CNGA1: variants seen among roughly 807,000 people sequenced by gnomAD.
The protein encoded by CNGA1 is cyclic nucleotide-gated channel alpha-1.
CNGA1 carries 53 observed loss-of-function variants against 69.7 expected under a neutral mutation model. The observed-to-expected ratio is 0.76, with a 90% CI of 0.61 to 0.96. The LOEUF (loss-of-function observed/expected upper bound fraction) is 0.96, where lower values mean the gene tolerates loss of function less well. Ranked by LOEUF, CNGA1 falls within the 40% of genes least tolerant of loss-of-function variation. The pLI is 0.00. For synonymous variants in CNGA1, 249 were observed against 283.5 expected, an observed-to-expected ratio of 0.88 and a Z score of 1.22; for missense variants, 739 against 811.2, an observed-to-expected ratio of 0.91 and a Z score of 1.08.
chr4:47,983,517 G>A (rs1282854920), intron 2 of CNGA1, among the ~76,000 whole-genome samples: 1 of 151,406 alleles, frequency 6.6e-6, no homozygotes, highest in African/African-American at 2.4e-5. Context: ...TTGAACCCAG[G>A]AGGCAGAGGT....
At chr4:48,014,328 T>C in intron 1 of CNGA1, among the ~76,000 whole-genome samples, 1 of 152,200 alleles carries the variant, frequency 6.6e-6, no homozygotes, top group East Asian at 1.9e-4. Flanking sequence ...ATATTATAAA[T>C]TTCTGCTAGG....
intron 2 of CNGA1, among the ~76,000 whole-genome samples, chr4:48,000,134 A>T (rs754359311): frequency 6.6e-6 from 1 of 152,186 alleles, no homozygotes; most frequent in South Asian, 2.1e-4. Context: ...AAGCAAAAAG[A>T]GATAAAACAT....
chr4:48,009,168 T>C (rs1050632653), intron 2 of CNGA1, among the ~76,000 whole-genome samples: 2 of 152,186 alleles, frequency 1.3e-5, no homozygotes, highest in Non-Finnish European at 2.9e-5. Flanking sequence ...AGCTAGCTTA[T>C]TTAGTAAAGA....
At chr4:47,991,489 C>G (rs1742267292) in intron 2 of CNGA1, among the ~76,000 whole-genome samples, 2 of 152,032 alleles carry the variant, frequency 1.3e-5, no homozygotes, top group South Asian at 4.1e-4. Flanking sequence ...TATTCATGTT[C>G]TTAGCCCACT....
chr4:48,001,191 C>A (rs1714650823), intron 2 of CNGA1, among the ~76,000 whole-genome samples: 1 of 152,284 alleles, frequency 6.6e-6, no homozygotes, highest in African/African-American at 2.4e-5. Flanking sequence ...ATAGGCTGGG[C>A]ACGGTGGCTC....
chr4:47,948,318 T>C (rs1416574316), intron 6 of CNGA1, among the ~76,000 whole-genome samples: 1 of 152,212 alleles, frequency 6.6e-6, no homozygotes, highest in African/African-American at 2.4e-5. Flanking sequence ...AGTGCTATCA[T>C]AGAGTTTATA....
At chr4:47,941,341 T>C (rs1739064328) in intron 9 of CNGA1, among the ~76,000 whole-genome samples, 1 of 152,060 alleles carries the variant, frequency 6.6e-6, no homozygotes, top group Non-Finnish European at 1.5e-5. Context: ...AAAAAATAAA[T>C]GGCCTAAAAC....
At chr4:47,982,787 G>T (rs1420013224) in intron 2 of CNGA1, among the ~76,000 whole-genome samples, 1 of 151,738 alleles carries the variant, frequency 6.6e-6, no homozygotes, top group Non-Finnish European at 1.5e-5. Context: ...TTTTTCCTCT[G>T]GTCTAAAACA....
At chr4:47,949,025 C>G (rs1356048548) in intron 6 of CNGA1, among the ~76,000 whole-genome samples, 1 of 152,196 alleles carries the variant, frequency 6.6e-6, no homozygotes, top group African/African-American at 2.4e-5. Context: ...GAAAAAATAA[C>G]CAGGATCCTG....
intron 2 of CNGA1, among the ~76,000 whole-genome samples, chr4:48,007,293 G>T (rs987077148): frequency 6.6e-6 from 1 of 152,120 alleles, no homozygotes; most frequent in Non-Finnish European, 1.5e-5. Flanking sequence ...TGACACAGCG[G>T]TCCATATGCT....
In CNGA1 at chr4:48,004,910, A is replaced by T. The variant is rs1440261851; in HGVS notation, c.-123+5884T>A. Reference sequence around the variant, plus strand: ...GGGTAAAGAAGGAAAAGAAACTGAAAGCAATATTTTGAAGGCTTGTAGCCA... The same window carrying T: ...GGGTAAAGAAGGAAAAGAAACTGAATGCAATATTTTGAAGGCTTGTAGCCA... On this transcript the variant is annotated intron_variant, in intron 2 of 10. Coordinates refer to ENST00000514170, the MANE Select transcript of CNGA1 (RefSeq NM_001379270.1). Among the ~76,000 whole-genome samples, 7 of 152,290 alleles carry T rather than the reference A, an allele frequency of 4.6e-5. No homozygotes were observed. The South Asian group carries it at 1.2e-3, about 27-fold the overall frequency.
At chr4:47,945,964 G>A (rs1275436567) in intron 6 of CNGA1, among the ~76,000 whole-genome samples, 1 of 152,070 alleles carries the variant, frequency 6.6e-6, no homozygotes, top group Admixed American at 6.5e-5. Context: ...TAAGTGTAAT[G>A]TACATAATTC....
chr4:47,947,620 A>G (rs1301811597), intron 6 of CNGA1, among the ~76,000 whole-genome samples: 1 of 152,150 alleles, frequency 6.6e-6, no homozygotes, highest in East Asian at 1.9e-4. Flanking sequence ...CAGTGAGCCA[A>G]GATTGCACCA....
intron 3 of CNGA1, among the ~76,000 whole-genome samples, chr4:47,956,797 C>T (rs906915559): frequency 1.3e-5 from 2 of 152,012 alleles, no homozygotes; most frequent in African/African-American, 4.8e-5. Flanking sequence ...AGAGCACATT[C>T]CCAGACTTTT....
rs1163583092 is a variant in CNGA1, at chr4:47,996,327, G to A, written c.-123+14467C>T. Among the ~76,000 whole-genome samples, 5 of 152,124 alleles carry A rather than the reference G, an allele frequency of 3.3e-5. No homozygotes were observed. The South Asian group carries it at 1.0e-3, about 32-fold the overall frequency. On this transcript the variant is annotated intron_variant, in intron 2 of 10. Coordinates refer to ENST00000514170, the MANE Select transcript of CNGA1 (RefSeq NM_001379270.1). ...TCCTTGGAATATTGGAAATTTAGTG[G>A]ACTTGAGATTTGCATCCTGGTTTAG... is the stretch of plus-strand genomic sequence containing the variant.
At chr4:47,999,306 A>T (rs1263634721) in intron 2 of CNGA1, among the ~76,000 whole-genome samples, 2 of 152,224 alleles carry the variant, frequency 1.3e-5, no homozygotes, top group Non-Finnish European at 2.9e-5. Flanking sequence ...GGGGTCTTGG[A>T]ACATATTCCC....
intron 1 of CNGA1, among the ~76,000 whole-genome samples, chr4:48,014,504 A>G (rs1408001671): frequency 1.3e-5 from 2 of 152,192 alleles, no homozygotes; most frequent in Non-Finnish European, 2.9e-5. Flanking sequence ...TACATTTTTT[A>G]AAGTCTGTTT....
intron 2 of CNGA1, among the ~76,000 whole-genome samples, chr4:47,989,493 G>GC (rs1371813380): frequency 6.6e-6 from 1 of 151,666 alleles, no homozygotes; most frequent in Non-Finnish European, 1.5e-5. Context: ...GAAATTTCAA[G>GC]CCCCCTCATA....
chr4:47,971,668 C>T (rs140652892), intron 3 of CNGA1, among the ~76,000 whole-genome samples: 103 of 152,128 alleles, frequency 6.8e-4, no homozygotes, highest in African/African-American at 2.4e-3. Context: ...CCAAGGTGGG[C>T]GGATCATTTG....
Sources: gnomAD v4.1 joint callset for allele counts (sites outside exome capture counted in the v4.1 genomes callset) on GRCh38, gnomAD v4.1.1 for gene constraint, MANE v1.5 for transcripts, NCBI Gene and HGNC (gene_info 2026-07-23, HGNC 2026-07-21) for gene names.